Variants in CCDC102B observed in about 807,000 individuals in gnomAD.
CCDC102B encodes the protein coiled-coil domain containing 102B, also known as coiled-coil domain-containing protein 102B.
In CCDC102B, 75 loss-of-function variants were observed where a neutral mutation model predicts 57.4. That is an observed-to-expected ratio of 1.31 (90% confidence interval 1.08 to 1.58). The LOEUF (loss-of-function observed/expected upper bound fraction) is 1.58, where lower values mean the gene tolerates loss of function less well. Ranked by LOEUF, CCDC102B falls within the 40% of genes most tolerant of loss-of-function variation. The probability of loss-of-function intolerance (pLI) is 0.00; values close to 1 mark genes in which losing one functional copy is unlikely to be tolerated. For synonymous variants in CCDC102B, 206 were observed against 201.9 expected (o/e 1.02, Z -0.17); for missense variants, 636 against 582.6 (o/e 1.09, Z -0.94).
At chr18:68,980,684 ATG>A (rs2050555827) in intron 6 of CCDC102B, among the ~76,000 whole-genome samples, 1 of 151,980 alleles carries the variant, frequency 6.6e-6, no homozygotes, top group Non-Finnish European at 1.5e-5. Context: ...AAGGAGATTT[ATG>A]GGGTGGAGGG....
intron 2 of CCDC102B, among the ~76,000 whole-genome samples, chr18:68,788,604 C>G (rs11520445): frequency 0.034 from 4,871 of 142,266 alleles, 135 homozygotes; most frequent in African/African-American, 0.087. Context: ...TGTCTCTTTT[C>G]ATCTTTGTTG....
At chr18:68,790,685 G>A (rs969158421) in intron 2 of CCDC102B, among the ~76,000 whole-genome samples, 4 of 152,140 alleles carry the variant, frequency 2.6e-5, no homozygotes, top group African/African-American at 7.2e-5. Context: ...GCCCTGCTTC[G>A]GCTCGTGCAC....
At chr18:68,873,669 G>A (rs958108579) in intron 4 of CCDC102B, among the ~76,000 whole-genome samples, 2 of 151,940 alleles carry the variant, frequency 1.3e-5, no homozygotes, top group African/African-American at 4.8e-5. Flanking sequence ...AGTTCCTGGG[G>A]ACTAGTACAT....
chr18:68,867,900 C>G (rs1404754434), intron 4 of CCDC102B, among the ~76,000 whole-genome samples: 1 of 152,028 alleles, frequency 6.6e-6, no homozygotes, highest in East Asian at 1.9e-4. Flanking sequence ...TGCCACTGCA[C>G]TCCATCCTGG....
intron 2 of CCDC102B, among the ~76,000 whole-genome samples, chr18:68,719,917 G>GT (rs1281893927): frequency 6.6e-6 from 1 of 152,094 alleles, no homozygotes; most frequent in Non-Finnish European, 1.5e-5. Flanking sequence ...AAATGGAAAA[G>GT]TTCCCAATAA....
chr18:68,757,891 T>A (rs1186367611), intron 2 of CCDC102B, among the ~76,000 whole-genome samples: 1 of 151,610 alleles, frequency 6.6e-6, no homozygotes, highest in East Asian at 1.9e-4. Flanking sequence ...AAGCTCCAAC[T>A]GGGAATTTTA....
At chr18:68,745,467 A>T (rs1181097430) in intron 2 of CCDC102B, among the ~76,000 whole-genome samples, 3 of 129,714 alleles carry the variant, frequency 2.3e-5, no homozygotes, top group Non-Finnish European at 5.0e-5. Context: ...TAATTTTTTT[A>T]ATGAAGATAT....
chr18:68,912,489 C>G (rs1236759371), intron 6 of CCDC102B, among the ~76,000 whole-genome samples: 2 of 152,200 alleles, frequency 1.3e-5, no homozygotes, highest in Non-Finnish European at 2.9e-5. Context: ...GATGTGGGGC[C>G]TGGAAATCTG....
At position 68,738,409 on chromosome 18, in the gene CCDC102B, C is replaced by T. The variant is rs1253583642; in HGVS notation, c.-67+21815C>T. Among the ~76,000 whole-genome samples the T allele has an allele frequency of 3.3e-5, 5 of 152,134 alleles. No homozygotes were observed. In the South Asian group the frequency reaches 8.3e-4, roughly 25 times the overall value. ...ACTCTTACCTGGAATACGGGTCTAT[C>T]CCATCCAAGATTACATATTACTTGG... On this transcript the variant is annotated intron_variant, in intron 2 of 3. Coordinates refer to the CCDC102B transcript ENST00000578970.
chr18:68,896,735 T>C (rs4891713), intron 5 of CCDC102B, among the ~76,000 whole-genome samples: 138,657 of 151,674 alleles, frequency 0.91, 63,446 homozygotes, highest in East Asian at 0.99. Context: ...TTTGCATTAC[T>C]TTTTGGCAAC....
At chr18:68,955,129 C>A (rs1023240982) in intron 6 of CCDC102B, among the ~76,000 whole-genome samples, 4 of 152,114 alleles carry the variant, frequency 2.6e-5, no homozygotes, top group African/African-American at 9.7e-5. Flanking sequence ...TGCTTTGAAG[C>A]AATGTGTGCC....
chr18:69,007,471 C>A (rs2051382944), intron 6 of CCDC102B, among the ~76,000 whole-genome samples: 1 of 152,178 alleles, frequency 6.6e-6, no homozygotes, highest in African/African-American at 2.4e-5. Context: ...TCTCTTTTCT[C>A]ATTACACAGC....
At chr18:68,816,459 CTTTTTTTTTT>C (rs869077830) in intron 1 of CCDC102B, among the ~76,000 whole-genome samples, 8 of 100,588 alleles carry the variant, frequency 8.0e-5, no homozygotes, top group South Asian at 3.8e-4. Flanking sequence ...TATTTCCTTT[CTTTTTTTTTT>C]TTTTTTTTTT....
chr18:68,853,672 T>TAA (rs71175201), intron 4 of CCDC102B, among the ~76,000 whole-genome samples: 48 of 94,648 alleles, frequency 5.1e-4, no homozygotes, highest in African/African-American at 1.3e-3. Context: ...CCCCAAATTG[T>TAA]AAAAAAAAAA....
At chr18:68,913,603 C>A (rs114747547) in intron 6 of CCDC102B, among the ~76,000 whole-genome samples, 1 of 150,040 alleles carries the variant, frequency 6.7e-6, no homozygotes, top group African/African-American at 2.5e-5. Flanking sequence ...TGCAGTGAGC[C>A]GAGCTGGTGC....
chr18:68,821,903 G>T (rs547600667), intron 1 of CCDC102B, among the ~76,000 whole-genome samples: 66 of 152,116 alleles, frequency 4.3e-4, no homozygotes, highest in African/African-American at 1.6e-3. Flanking sequence ...TTAGGAAAGA[G>T]CCAAGAGTTT....
At chr18:68,752,465 C>A (rs2033892313) in intron 2 of CCDC102B, among the ~76,000 whole-genome samples, 1 of 136,214 alleles carries the variant, frequency 7.3e-6, no homozygotes. Context: ...AAAAAGAAAA[C>A]AGTGAAAATG....
rs1033266987 is a variant in CCDC102B, at chr18:68,935,546, G to T, written c.1263+38118G>T. Among the ~76,000 whole-genome samples the T allele has an allele frequency of 2.0e-5, 3 of 152,054 alleles. 1 individual carries two copies. Among genetic ancestry groups the T allele is most frequent in the Admixed American group, 1.3e-4 (2 of 15,254 alleles). On this transcript the variant is annotated intron_variant, in intron 6 of 7. Transcript: ENST00000360242. ...ACAACCATGTGGCGATGTCAAATAG[G>T]CTGTAGGTATCTGAATTTCAGGGGA...
At chr18:69,007,626 G>C (rs1305760868) in intron 6 of CCDC102B, among the ~76,000 whole-genome samples, 1 of 152,200 alleles carries the variant, frequency 6.6e-6, no homozygotes, top group Non-Finnish European at 1.5e-5. Context: ...CTCGAGCCCT[G>C]AGTTTCAGAT....
Sources: allele counts gnomAD v4.1 joint callset (sites outside exome capture counted in the v4.1 genomes callset), GRCh38; gene constraint gnomAD v4.1.1; transcripts MANE v1.5; gene names NCBI Gene and HGNC (gene_info 2026-07-23, HGNC 2026-07-21).